The following RFX3 variants were observed in gnomAD, a reference collection of about 807,000 sequenced individuals.
RFX3 encodes regulatory factor X3.
A neutral mutation model predicts 98.6 loss-of-function variants in RFX3; 14 were observed. The ratio of observed to expected loss-of-function variants is 0.14; its 90% CI spans 0.09 to 0.22. RFX3 has a LOEUF of 0.22. Among genes scored for constraint, RFX3 ranks in the 10% least tolerant of loss-of-function variants. The pLI is 1.00. For synonymous variants in RFX3, 383 were observed against 328.4 expected (o/e 1.17, Z -1.80); for missense variants, 639 against 926.9 (o/e 0.69, Z 4.03).
At chr9:3,470,122 T>C (rs759218480) in intron 1 of RFX3, among the ~76,000 whole-genome samples, 6 of 152,116 alleles carry the variant, frequency 3.9e-5, no homozygotes, top group Non-Finnish European at 8.8e-5. Context: ...CAGGTTTAAG[T>C]ATAGACACAG....
intron 1 of RFX3, among the ~76,000 whole-genome samples, chr9:3,506,744 C>T (rs1817139243): frequency 6.6e-6 from 1 of 151,514 alleles, no homozygotes; most frequent in Admixed American, 6.6e-5. Context: ...GACAGAATGT[C>T]ATTTGAAAAG....
At chr9:3,458,292 G>C (rs1462298961) in intron 1 of RFX3, among the ~76,000 whole-genome samples, 1 of 152,168 alleles carries the variant, frequency 6.6e-6, no homozygotes, top group Non-Finnish European at 1.5e-5. Flanking sequence ...CAGCAGTTAG[G>C]AGTAGCAATC....
At chr9:3,336,105 GT>G (rs2130971007) in intron 3 of RFX3, among the ~76,000 whole-genome samples, 1 of 152,194 alleles carries the variant, frequency 6.6e-6, no homozygotes, top group South Asian at 2.1e-4. Context: ...TGGCATGAAA[GT>G]GATACATTAA....
At position 3,219,533 on chromosome 9, in the gene RFX3, T is replaced by C. The variant is rs1817237252; in HGVS notation, c.*5509A>G. 3 of 152,006 alleles carry C rather than the reference T, an allele frequency of 2.0e-5. No homozygotes were observed. In the South Asian group the frequency reaches 6.2e-4, roughly 32 times the overall value. 9.4% of individuals were successfully genotyped at this position (152,006 alleles called of 1,614,324 possible). A position where few individuals can be genotyped will look rare whatever the true frequency, so the allele number is the denominator to read the frequency against. On this transcript the variant is annotated 3_prime_UTR_variant, in exon 17 of 17. Transcript: ENST00000617270. Reference sequence around the variant, plus strand: ...AGAAGAGACAAAACACATTTTTCTTTTTAAAAAAACATATTATCAATTATT... The same window carrying C: ...AGAAGAGACAAAACACATTTTTCTTCTTAAAAAAACATATTATCAATTATT...
In RFX3 at chr9:3,385,753, C is replaced by T. The variant is rs556967707; in HGVS notation, c.117+9719G>A. Among the ~76,000 whole-genome samples the T allele has an allele frequency of 3.1e-4, 46 of 150,722 alleles. No homozygotes were observed. In the Middle Eastern group the frequency reaches 0.011, roughly 35 times the overall value. On this transcript the variant is annotated intron_variant, in intron 2 of 16. Transcript: ENST00000617270. ...AACTCCTTGCAATTCAACTCTGGGA[C>T]GTCCTTGGGAATAGTTGCACTAAAG... is the stretch of plus-strand genomic sequence containing the variant.
chr9:3,413,538 A>C (rs1842643439), intron 1 of RFX3, among the ~76,000 whole-genome samples: 1 of 152,134 alleles, frequency 6.6e-6, no homozygotes, highest in South Asian at 2.1e-4. Flanking sequence ...TTAACTTAAC[A>C]AGACAATACA....
intron 4 of RFX3, among the ~76,000 whole-genome samples, chr9:3,317,540 G>C (rs1187042891): frequency 6.6e-6 from 1 of 152,178 alleles, no homozygotes; most frequent in African/African-American, 2.4e-5. Context: ...AAACTAAAGA[G>C]CTTCTGCACA....
intron 1 of RFX3, among the ~76,000 whole-genome samples, chr9:3,421,691 G>A (rs1471245192): frequency 6.7e-6 from 1 of 150,064 alleles, no homozygotes; most frequent in African/African-American, 2.5e-5. Flanking sequence ...CATGGAGCTC[G>A]TTTATTGTCT....
chr9:3,450,112 C>T (rs1323306831), intron 1 of RFX3, among the ~76,000 whole-genome samples: 2 of 152,110 alleles, frequency 1.3e-5, no homozygotes, highest in African/African-American at 4.8e-5. Flanking sequence ...AGAGTATTTG[C>T]CTGGCAAGGC....
intron 1 of RFX3, among the ~76,000 whole-genome samples, chr9:3,512,853 A>T (rs1224889567): frequency 7.2e-5 from 11 of 152,010 alleles, no homozygotes; most frequent in Admixed American, 7.2e-4. Context: ...CTTTATTTCC[A>T]AATTCTCTAC....
At chr9:3,504,134 T>C (rs1285543202) in intron 1 of RFX3, among the ~76,000 whole-genome samples, 2 of 125,002 alleles carry the variant, frequency 1.6e-5, no homozygotes, top group Admixed American at 1.6e-4. Flanking sequence ...TCTCTTTATA[T>C]ATATTATATA....
chr9:3,287,676 C>T (rs1826808828), intron 7 of RFX3, among the ~76,000 whole-genome samples: 1 of 151,970 alleles, frequency 6.6e-6, no homozygotes, highest in South Asian at 2.1e-4. Flanking sequence ...TCTCTTACAA[C>T]TCTAATATCA....
At chr9:3,239,889 C>T (rs1381417941) in intron 15 of RFX3, among the ~76,000 whole-genome samples, 1 of 152,302 alleles carries the variant, frequency 6.6e-6, no homozygotes, top group Non-Finnish European at 1.5e-5. Context: ...TTCCCTGCCC[C>T]GTGGCTCTGA....
chr9:3,292,092 A>C lies in RFX3; in HGVS notation c.731+985T>G, dbSNP rs1362218938. Among the ~76,000 whole-genome samples, 283 of 145,700 alleles carry C rather than the reference A, an allele frequency of 1.9e-3. 5 individuals carry two copies. Among genetic ancestry groups the C allele is most frequent in the Admixed American group, 2.5e-3 (36 of 14,638 alleles). The stretch of plus-strand genomic sequence containing the variant: ...AAAAAAAAAAAAAAAAAAAAAAAAA[A>C]AAAAAAAACTCTTTACGAAAATACT... On this transcript the variant is annotated intron_variant, in intron 6 of 16. Transcript: ENST00000617270.
intron 1 of RFX3, among the ~76,000 whole-genome samples, chr9:3,456,653 C>G (rs1159576340): frequency 6.6e-6 from 1 of 152,170 alleles, no homozygotes; most frequent in African/African-American, 2.4e-5. Flanking sequence ...GCCCAATAAC[C>G]TAACTCCTAA....
chr9:3,244,209 T>C (rs1820335805), intron 15 of RFX3, among the ~76,000 whole-genome samples: 1 of 151,992 alleles, frequency 6.6e-6, no homozygotes, highest in Non-Finnish European at 1.5e-5. Flanking sequence ...TTTCACCATA[T>C]TGGTTAGGCT....
At chr9:3,522,897 G>A (rs944074083) in intron 1 of RFX3, among the ~76,000 whole-genome samples, 2 of 151,974 alleles carry the variant, frequency 1.3e-5, no homozygotes, top group African/African-American at 4.8e-5. Flanking sequence ...AACTGTTCCA[G>A]GTTAAAGCAC....
intron 3 of RFX3, among the ~76,000 whole-genome samples, chr9:3,331,016 G>A (rs1369295876): frequency 6.6e-6 from 1 of 152,074 alleles, no homozygotes; most frequent in Non-Finnish European, 1.5e-5. Flanking sequence ...ACCTCCATAA[G>A]GATCTTAAGC....
chr9:3,504,981 T>TATA (rs1564186186), intron 1 of RFX3, among the ~76,000 whole-genome samples: 14 of 32,444 alleles, frequency 4.3e-4, no homozygotes, highest in African/African-American at 1.4e-3. Context: ...TATTATATAA[T>TATA]ATATATGTTA....
Sources: gnomAD v4.1 joint callset for allele counts (sites outside exome capture counted in the v4.1 genomes callset) on GRCh38, gnomAD v4.1.1 for gene constraint, MANE v1.5 for transcripts, NCBI Gene and HGNC (gene_info 2026-07-23, HGNC 2026-07-21) for gene names.